The following IMMP2L variants were observed in gnomAD, a reference collection of about 807,000 sequenced individuals.
The protein encoded by IMMP2L is mitochondrial inner membrane protease subunit 2.
IMMP2L carries 18 observed loss-of-function variants against 19.3 expected under a neutral mutation model. The ratio of observed to expected loss-of-function variants is 0.93; its 90% CI spans 0.64 to 1.38. The LOEUF is 1.38. Ranked by LOEUF, IMMP2L falls within the 40% of genes most tolerant of loss-of-function variation. IMMP2L has a pLI of 0.00. For synonymous variants in IMMP2L, 76 were observed against 73.0 expected (o/e 1.04, Z -0.21); for missense variants, 233 against 218.2 (o/e 1.07, Z -0.43).
intron 5 of IMMP2L, among the ~76,000 whole-genome samples, chr7:110,794,883 T>TAC (rs1800756304): frequency 6.6e-6 from 1 of 152,090 alleles, no homozygotes; most frequent in African/African-American, 2.4e-5. Context: ...ACTAGATATA[T>TAC]ACACACACAT....
intron 4 of IMMP2L, among the ~76,000 whole-genome samples, chr7:110,912,503 AAC>A (rs1813159093): frequency 6.6e-6 from 1 of 152,114 alleles, no homozygotes; most frequent in African/African-American, 2.4e-5. Context: ...TAGATTAAAA[AAC>A]ACAAACACAC....
intron 3 of IMMP2L, among the ~76,000 whole-genome samples, chr7:111,427,085 C>G (rs1244627995): frequency 6.6e-6 from 1 of 150,990 alleles, no homozygotes; most frequent in East Asian, 1.9e-4. Context: ...CCTTACTTCA[C>G]TGATCACCCA....
intron 3 of IMMP2L, among the ~76,000 whole-genome samples, chr7:111,190,607 G>A (rs933811540): frequency 3.9e-5 from 6 of 152,004 alleles, no homozygotes; most frequent in Non-Finnish European, 7.4e-5. Context: ...CACTTAGGTC[G>A]AAATCCATTT....
intron 3 of IMMP2L, among the ~76,000 whole-genome samples, chr7:111,232,686 C>A (rs919765239): frequency 6.6e-6 from 1 of 152,074 alleles, no homozygotes; most frequent in South Asian, 2.1e-4. Flanking sequence ...TCCATTCCAT[C>A]GCATAGGATG....
At chr7:111,352,750 C>T (rs1334214920) in intron 3 of IMMP2L, among the ~76,000 whole-genome samples, 4 of 152,072 alleles carry the variant, frequency 2.6e-5, no homozygotes, top group Non-Finnish European at 5.9e-5. Flanking sequence ...GGCATTGGAC[C>T]TGTAGCACTC....
chr7:110,677,104 A>G (rs141749756), intron 5 of IMMP2L, among the ~76,000 whole-genome samples: 1 of 152,342 alleles, frequency 6.6e-6, no homozygotes, highest in African/African-American at 2.4e-5. Flanking sequence ...TAACAACCAT[A>G]ATAAAGGCAC....
chr7:110,891,808 G>A (rs1385476550), intron 4 of IMMP2L, among the ~76,000 whole-genome samples: 5 of 152,072 alleles, frequency 3.3e-5, no homozygotes, highest in Non-Finnish European at 5.9e-5. Context: ...AACTGGAGTA[G>A]AATTCAATAC....
chr7:110,875,373 C>T (rs1342247299), intron 5 of IMMP2L, among the ~76,000 whole-genome samples: 1 of 151,924 alleles, frequency 6.6e-6, no homozygotes, highest in Non-Finnish European at 1.5e-5. Flanking sequence ...GTTTGAAAGA[C>T]TATGCTTTGT....
At chr7:111,316,393 A>G (rs773869310) in intron 3 of IMMP2L, among the ~76,000 whole-genome samples, 1 of 152,206 alleles carries the variant, frequency 6.6e-6, no homozygotes, top group Non-Finnish European at 1.5e-5. Flanking sequence ...AATATATTTC[A>G]TTATGTTAAG....
chr7:111,136,715 C>T lies in IMMP2L; in HGVS notation c.240-173150G>A, dbSNP rs527285636. Among the ~76,000 whole-genome samples, 52 of 152,264 alleles carry T rather than the reference C, an allele frequency of 3.4e-4. 1 individual carries two copies. The Middle Eastern group carries it at 0.02, about 60-fold the overall frequency. On this transcript the variant is annotated intron_variant, in intron 3 of 5. Coordinates refer to ENST00000405709, the MANE Select transcript of IMMP2L (RefSeq NM_032549.4). Reference sequence around the variant, plus strand: ...AAATGGAAGCAAAGCCAGCTGTAAACGGACAAAGATAATTCTACTTGATCC... The same window carrying T: ...AAATGGAAGCAAAGCCAGCTGTAAATGGACAAAGATAATTCTACTTGATCC...
At chr7:111,359,525 C>T (rs1829056834) in intron 3 of IMMP2L, among the ~76,000 whole-genome samples, 3 of 151,970 alleles carry the variant, frequency 2.0e-5, no homozygotes, top group Non-Finnish European at 4.4e-5. Context: ...TGGTCTGGAA[C>T]TCCTGACCCC....
At chr7:111,474,352 C>T (rs954543028) in intron 3 of IMMP2L, among the ~76,000 whole-genome samples, 1 of 151,886 alleles carries the variant, frequency 6.6e-6, no homozygotes, top group Non-Finnish European at 1.5e-5. Context: ...TTTTAAAGTC[C>T]ACAATATGAT....
At chr7:111,251,571 G>GA in intron 3 of IMMP2L, among the ~76,000 whole-genome samples, 1 of 152,094 alleles carries the variant, frequency 6.6e-6, no homozygotes, top group Non-Finnish European at 1.5e-5. Context: ...CCATAAAAAG[G>GA]AAAAACATAA....
At chr7:111,192,620 A>C (rs1809013040) in intron 3 of IMMP2L, among the ~76,000 whole-genome samples, 1 of 152,144 alleles carries the variant, frequency 6.6e-6, no homozygotes, top group Non-Finnish European at 1.5e-5. Context: ...GGAACACACC[A>C]ATTATGAAGT....
chr7:111,086,961 G>A (rs1316872207), intron 3 of IMMP2L, among the ~76,000 whole-genome samples: 1 of 152,074 alleles, frequency 6.6e-6, no homozygotes, highest in African/African-American at 2.4e-5. Context: ...GCATTGGTTG[G>A]CTCAGCCATC....
At chr7:110,997,541 T>A (rs1458154839) in intron 3 of IMMP2L, among the ~76,000 whole-genome samples, 1 of 152,180 alleles carries the variant, frequency 6.6e-6, no homozygotes, top group East Asian at 1.9e-4. Flanking sequence ...GTCACTATTA[T>A]TTATTTTAGT....
intron 5 of IMMP2L, among the ~76,000 whole-genome samples, chr7:110,670,661 G>C (rs1398572098): frequency 6.9e-6 from 1 of 145,188 alleles, no homozygotes; most frequent in East Asian, 2.0e-4. Flanking sequence ...CTGCACTCCA[G>C]CCTTGGTGAC....
intron 3 of IMMP2L, among the ~76,000 whole-genome samples, chr7:111,211,531 C>T (rs1811308464): frequency 6.6e-6 from 1 of 152,044 alleles, no homozygotes; most frequent in South Asian, 2.1e-4. Flanking sequence ...AAACAAGGAC[C>T]CTGAGAAAGA....
chr7:111,315,731 T>TA (rs777273496), intron 3 of IMMP2L, among the ~76,000 whole-genome samples: 331 of 136,340 alleles, frequency 2.4e-3, no homozygotes, highest in Non-Finnish European at 3.1e-3. Context: ...AGTGGCTTCT[T>TA]AAAAAAAAAA....
Sources: allele counts gnomAD v4.1 joint callset (sites outside exome capture counted in the v4.1 genomes callset), GRCh38; gene constraint gnomAD v4.1.1; transcripts MANE v1.5; gene names NCBI Gene and HGNC (gene_info 2026-07-23, HGNC 2026-07-21).